STON2: variants seen among roughly 807,000 people sequenced by gnomAD.
The protein encoded by STON2 is stonin-2.
Under a neutral mutation model 65.7 loss-of-function variants are expected in STON2, and 29 were observed. That is an observed-to-expected ratio of 0.44 (90% CI 0.33 to 0.60). The LOEUF (loss-of-function observed/expected upper bound fraction) is 0.60. Ranked by LOEUF, STON2 falls within the 20% of genes least tolerant of loss-of-function variation. The pLI, the probability that STON2 is intolerant of heterozygous loss-of-function variation, is 0.03. For synonymous variants in STON2, 404 were observed against 414.2 expected (o/e 0.98, Z 0.30); for missense variants, 1,054 against 1,118.1 (o/e 0.94, Z 0.82).
chr14:81,359,463 C>T (rs1031223705), intron 4 of STON2, among the ~76,000 whole-genome samples: 7 of 151,992 alleles, frequency 4.6e-5, no homozygotes, highest in Non-Finnish European at 8.8e-5. Flanking sequence ...TTAATGTACA[C>T]CTCAAGAAAA....
chr14:81,381,251 T>C (rs1377496987), intron 3 of STON2, among the ~76,000 whole-genome samples: 2 of 152,118 alleles, frequency 1.3e-5, no homozygotes, highest in African/African-American at 4.8e-5. Flanking sequence ...GAAGACAATA[T>C]AGCCAAATGC....
In STON2 at chr14:81,345,760, C is replaced by CA. The variant is rs753529934; in HGVS notation, c.572-21574dup. On this transcript the variant is annotated intron_variant, in intron 4 of 7. Transcript: ENST00000614646. ...TGGGCGACAGAGCCAGACTTTGTCT[C>CA]AAAAAAAAAAAAATTCTGTTGTTTA... Among the ~76,000 whole-genome samples, 810 of 141,956 alleles carry CA rather than the reference C, an allele frequency of 5.7e-3. 4 individuals are homozygous for CA. The highest frequency in any genetic ancestry group is 0.017 in the African/African-American group (668 of 38,688). 93.1% of individuals were successfully genotyped at this position (141,956 alleles called of 152,430 possible). A position where few individuals can be genotyped will look rare whatever the true frequency, so the allele number is the denominator to read the frequency against.
chr14:81,390,724 T>C (rs1257558370), intron 3 of STON2, among the ~76,000 whole-genome samples: 1 of 152,220 alleles, frequency 6.6e-6, no homozygotes, highest in Non-Finnish European at 1.5e-5. Context: ...TAGTTTCCTA[T>C]GGCTGCTGTA....
chr14:81,307,263 T>C (rs1595329762), intron 5 of STON2, among the ~76,000 whole-genome samples: 1 of 152,238 alleles, frequency 6.6e-6, no homozygotes, highest in Non-Finnish European at 1.5e-5. Flanking sequence ...CATTTCTGGA[T>C]TGCATCTTTT....
intron 2 of STON2, 86 bp from the exon 3 acceptor site, chr14:81,396,264 T>C (rs992374376): frequency 5.8e-6 from 8 of 1,377,658 alleles, no homozygotes; most frequent in Non-Finnish European, 6.9e-6. Flanking sequence ...AGGATGACCA[T>C]GGGGTGCCCG....
chr14:81,380,364 A>G (rs549215433), intron 3 of STON2, among the ~76,000 whole-genome samples: 16 of 152,360 alleles, frequency 1.1e-4, no homozygotes, highest in African/African-American at 3.8e-4. Context: ...GTTGCAGAGA[A>G]AAGAGAATGC....
At chr14:81,289,331 G>A (rs1354439269) in intron 5 of STON2, among the ~76,000 whole-genome samples, 1 of 152,120 alleles carries the variant, frequency 6.6e-6, no homozygotes, top group African/African-American at 2.4e-5. Flanking sequence ...TGCCACGGAA[G>A]GTAAAGGCTC....
chr14:81,377,168 T>C lies in STON2; in HGVS notation c.374-5983A>G, dbSNP rs72703738. 4.9e-3 allele frequency among the ~76,000 whole-genome samples: 743 copies of C among 152,314 alleles called. 6 individuals carry two copies. The highest frequency in any genetic ancestry group is 6.4e-3 in the Non-Finnish European group (438 of 68,016). The stretch of plus-strand genomic sequence containing the variant: ...CCATTTCCCTCCTACCTTGCCTCCA[T>C]CTCCATACTCTGTTCCTAACCTTTG... On this transcript the variant is annotated intron_variant, in intron 3 of 7. Transcript: ENST00000614646.
Position 81,306,220 on chromosome 14 carries a change from C to CTATTTTTTTT in STON2, c.742+17796_742+17797insAAAAAAAATA, listed in dbSNP as rs1555397665. Among the ~76,000 whole-genome samples, 2 of 69,490 alleles carry CTATTTTTTTT rather than the reference C, an allele frequency of 2.9e-5. 1 individual carries two copies. The highest frequency in any genetic ancestry group is 5.1e-5 in the Non-Finnish European group (2 of 39,088). 45.6% of individuals were successfully genotyped at this position (69,490 alleles called of 152,430 possible). A position where few individuals can be genotyped will look rare whatever the true frequency, so the allele number is the denominator to read the frequency against. On this transcript the variant is annotated intron_variant, in intron 5 of 7. Coordinates refer to ENST00000614646, the MANE Select transcript of STON2 (RefSeq NM_001394390.1). ...TTATATATACACACACATACATACTCTTTTTTTTTTTTTTTTTTTTTTTTT... is the reference window on the plus strand; with the variant it reads ...TTATATATACACACACATACATACTCTATTTTTTTTTTTTTTTTTTTTTTTTTTTTTTTTT...
intron 3 of STON2, among the ~76,000 whole-genome samples, chr14:81,374,733 C>T (rs899232224): frequency 6.6e-6 from 1 of 151,836 alleles, no homozygotes; most frequent in East Asian, 1.9e-4. Flanking sequence ...TGAAGACACA[C>T]GGAGGGCAGC....
chr14:81,322,321 T>C (rs1896849537), intron 5 of STON2, among the ~76,000 whole-genome samples: 1 of 152,226 alleles, frequency 6.6e-6, no homozygotes, highest in Admixed American at 6.5e-5. Flanking sequence ...TGCCGTTAAC[T>C]GCATGGGCGA....
At chr14:81,393,107 A>G (rs760467195) in intron 3 of STON2, among the ~76,000 whole-genome samples, 1 of 152,212 alleles carries the variant, frequency 6.6e-6, no homozygotes, top group Non-Finnish European at 1.5e-5. Flanking sequence ...GTCAGTCACA[A>G]GATAAGATCC....
chr14:81,341,317 T>G (rs2140293125), intron 4 of STON2, among the ~76,000 whole-genome samples: 1 of 152,288 alleles, frequency 6.6e-6, no homozygotes, highest in East Asian at 1.9e-4. Context: ...GGACGGTGCT[T>G]GTTGATACAA....
intron 4 of STON2, among the ~76,000 whole-genome samples, chr14:81,354,710 A>T (rs1898155420): frequency 1.3e-5 from 2 of 152,314 alleles, no homozygotes; most frequent in African/African-American, 4.8e-5. Context: ...TAAAGAACAC[A>T]ATTACTGAAG....
At chr14:81,329,410 G>A (rs950096370) in intron 4 of STON2, among the ~76,000 whole-genome samples, 4 of 149,832 alleles carry the variant, frequency 2.7e-5, no homozygotes, top group Admixed American at 2.0e-4. Flanking sequence ...AGCCGAGATC[G>A]TGCCACTGCA....
intron 2 of STON2, among the ~76,000 whole-genome samples, chr14:81,417,411 T>C (rs148084043): frequency 6.6e-6 from 1 of 152,076 alleles, no homozygotes; most frequent in East Asian, 1.9e-4. Context: ...AGAAAACACC[T>C]TATAGCCACA....
rs1894185635 is a variant in STON2 at position 81,262,400 on chromosome 14, T to G, written c.*6014A>C. 1 of 985,164 alleles carries G rather than the reference T, an allele frequency of 1.0e-6. No homozygotes were observed. The highest frequency in any genetic ancestry group is 1.2e-6 in the Non-Finnish European group (1 of 829,810). The allele number at this position is 985,164 out of a possible 1,614,324, so 61.0% of individuals were successfully genotyped here. A position where few individuals can be genotyped will look rare whatever the true frequency, so the allele number is the denominator to read the frequency against. ...GAGTAGACATTTGATAAATATTTGT[T>G]GAGTTGAATTAATCCTGCCATCTAT... On this transcript the variant is annotated 3_prime_UTR_variant, in exon 8 of 8. Transcript: ENST00000614646.
rs1426397238 is a variant in STON2, at chr14:81,263,383, C to T, written c.*5031G>A. 6.6e-6 allele frequency among the ~76,000 whole-genome samples: 1 copy of T among 151,816 alleles called. No individual in the cohort carries two copies. Among genetic ancestry groups the T allele is most frequent in the Non-Finnish European group, 1.5e-5 (1 of 67,932 alleles). Reference sequence around the variant, plus strand: ...TGAAATCCCATCTCTACTAAAAATACAAAAATTAGTCAGGCGTGGTGGCAC... The same window carrying T: ...TGAAATCCCATCTCTACTAAAAATATAAAAATTAGTCAGGCGTGGTGGCAC... On this transcript the variant is annotated 3_prime_UTR_variant, in exon 8 of 8. Transcript: ENST00000614646.
chr14:81,405,115 T>C (rs1341229591), upstream of STON2, among the ~76,000 whole-genome samples: 1 of 152,192 alleles, frequency 6.6e-6, no homozygotes, highest in African/African-American at 2.4e-5. Context: ...CTTGAATCTG[T>C]ATGTCCATTT....
Sources: allele counts gnomAD v4.1 joint callset (sites outside exome capture counted in the v4.1 genomes callset), GRCh38; gene constraint gnomAD v4.1.1; transcripts MANE v1.5; gene names NCBI Gene and HGNC (gene_info 2026-07-23, HGNC 2026-07-21).